The following STX3 variants were observed in gnomAD, a reference collection of about 807,000 sequenced individuals.
STX3 encodes syntaxin 3.
Under a neutral mutation model 40.2 loss-of-function variants are expected in STX3, and 19 were observed. That is an observed-to-expected ratio of 0.47 (90% CI 0.33 to 0.69). The LOEUF (loss-of-function observed/expected upper bound fraction) is 0.69. STX3 is among the 30% of genes least tolerant of loss of function. The pLI is 0.02. For synonymous variants in STX3, 122 were observed against 132.2 expected (o/e 0.92, Z 0.53); for missense variants, 364 against 366.7 (o/e 0.99, Z 0.06).
chr11:59,788,741 G>A (rs1265460925), intron 3 of STX3, 132 bp from the exon 4 acceptor site: 1 of 638,070 alleles, frequency 1.6e-6, no homozygotes, highest in East Asian at 3.1e-5. Flanking sequence ...GCTGGGGAGT[G>A]CGTAGGGATA....
intron 8 of STX3, among the ~76,000 whole-genome samples, 186 bp from the exon 9 acceptor site, chr11:59,795,186 C>T (rs1440004396): frequency 6.6e-6 from 1 of 152,190 alleles, no homozygotes; most frequent in African/African-American, 2.4e-5. Flanking sequence ...CTGAATGTTT[C>T]TTGAACAAGT....
chr11:59,765,802 TCAAACAAA>T (rs111856818), intron 1 of STX3, among the ~76,000 whole-genome samples: 1 of 152,054 alleles, frequency 6.6e-6, no homozygotes, highest in Non-Finnish European at 1.5e-5. Context: ...AGACTCTGTC[TCAAACAAA>T]CAAACAAACA....
In STX3 at chr11:59,793,118, T is replaced by C. The variant is rs1695656381; in HGVS notation, c.486T>C (p.Asp162=). The change falls in exon 7 of 11, where the codon GAT becomes GAC. Residue 162 remains aspartate (D), a synonymous_variant. Transcript: ENST00000337979. The part of the protein sequence containing the change: ...QLEITGKKTT[D]EELEEMLESG... ...ACAAAGCTGGCAAAAAGACAACCGA[T>C]GAGGAGCTGGAGGAGATGTTGGAGA... The C allele has an allele frequency of 6.2e-7, 1 of 1,613,556 alleles. No homozygotes were observed. Among genetic ancestry groups the C allele is most frequent in the Non-Finnish European group, 8.5e-7 (1 of 1,179,948 alleles).
At chr11:59,755,989 C>T (rs1374429127) in intron 1 of STX3, among the ~76,000 whole-genome samples, 1 of 152,218 alleles carries the variant, frequency 6.6e-6, no homozygotes. Context: ...CAGGACCAGC[C>T]TCCTTCTCCC....
chr11:59,761,321 C>T (rs1863022175), intron 1 of STX3, among the ~76,000 whole-genome samples: 1 of 152,180 alleles, frequency 6.6e-6, no homozygotes, highest in African/African-American at 2.4e-5. Context: ...TCCAGCTTCC[C>T]AGGCTGACAG....
chr11:59,773,148 A>G lies in STX3; in HGVS notation c.31-63A>G, dbSNP rs888757854. On this transcript the variant is annotated intron_variant, in intron 1 of 10. Coordinates refer to ENST00000337979, the MANE Select transcript of STX3 (RefSeq NM_004177.5). The stretch of plus-strand genomic sequence containing the variant: ...ATATAGTTCCTAGTACTTCGTGAGC[A>G]TTCAATAATTTAGCCATTTATTGTG... 3 of 1,501,866 alleles carry G rather than the reference A, an allele frequency of 2.0e-6. No individual in the cohort carries two copies. In the African/African-American group the frequency reaches 4.1e-5, roughly 21 times the overall value. The allele number at this position is 1,501,866 out of a possible 1,614,324, so 93.0% of individuals were successfully genotyped here.
chr11:59,769,286 G>GAGGAGC (rs1204711589), intron 1 of STX3, among the ~76,000 whole-genome samples: 3 of 152,012 alleles, frequency 2.0e-5, no homozygotes, highest in Non-Finnish European at 2.9e-5. Context: ...GGAGGAGGAG[G>GAGGAGC]ATGAGGATGG....
In STX3 at chr11:59,780,327, A is replaced by G. The variant is rs950405455; in HGVS notation, c.115-6710A>G. ...GAGAAAGATGATCTCTCTCTCAGCC[A>G]TGTGAAGATACTGGAAGAAGGCAGC... is the stretch of plus-strand genomic sequence containing the variant. On this transcript the variant is annotated intron_variant, in intron 2 of 10. Coordinates refer to ENST00000337979, the MANE Select transcript of STX3 (RefSeq NM_004177.5). Among the ~76,000 whole-genome samples, 14 of 152,324 alleles carry G rather than the reference A, an allele frequency of 9.2e-5. 1 individual carries two copies. The highest frequency in any genetic ancestry group is 6.8e-3 in the Middle Eastern group (2 of 294).
chr11:59,771,470 A>G (rs553849923), intron 1 of STX3, among the ~76,000 whole-genome samples: 13 of 139,982 alleles, frequency 9.3e-5, no homozygotes, highest in Non-Finnish European at 2.0e-4. Context: ...AGGTGAGTAA[A>G]GGGCTGTGAT....
chr11:59,755,417 C>T lies in STX3; in HGVS notation c.-189C>T, dbSNP rs904005608. 2.4e-5 allele frequency: 12 copies of T among 491,606 alleles called. No individual in the cohort carries two copies. The highest frequency in any genetic ancestry group is 4.6e-5 in the Admixed American group (1 of 21,870). 30.5% of individuals were successfully genotyped at this position (491,606 alleles called of 1,614,324 possible). A position where few individuals can be genotyped will look rare whatever the true frequency, so the allele number is the denominator to read the frequency against. On this transcript the variant is annotated 5_prime_UTR_variant, in exon 1 of 11. Coordinates refer to ENST00000337979, the MANE Select transcript of STX3 (RefSeq NM_004177.5). ...GCGCCGGTGGGGGCGGAGGGGGCTG[C>T]GCGGCGGAGGCTCCCGTGGCCTCGG...
rs866160397 is a variant in STX3, at chr11:59,764,921, G to C, written c.31-8290G>C. Among the ~76,000 whole-genome samples, 4 of 125,838 alleles carry C rather than the reference G, an allele frequency of 3.2e-5. No homozygotes were observed. In the Admixed American group the frequency reaches 3.2e-4, roughly 10 times the overall value. The allele number at this position is 125,838 out of a possible 152,430, so 82.6% of individuals were successfully genotyped here. On this transcript the variant is annotated intron_variant, in intron 1 of 10. Transcript: ENST00000337979. ...TATTATTATTATTATTATTATTATT[G>C]TTAGGGCACACTGAGTGGAGTGGGG...
intron 1 of STX3, among the ~76,000 whole-genome samples, chr11:59,772,354 C>A (rs1863701982): frequency 6.6e-6 from 1 of 152,118 alleles, no homozygotes; most frequent in African/African-American, 2.4e-5. Flanking sequence ...GGAATCACTT[C>A]CTTTAGATGG....
intron 4 of STX3, 40 bp downstream of exon 4, chr11:59,788,987 C>A: frequency 6.4e-7 from 1 of 1,553,464 alleles, no homozygotes; most frequent in Non-Finnish European, 8.8e-7. Flanking sequence ...TCCCCACCAC[C>A]ATCTATCTCA....
intron 2 of STX3, among the ~76,000 whole-genome samples, chr11:59,783,145 C>G (rs142805283): frequency 2.6e-4 from 40 of 152,208 alleles, no homozygotes; most frequent in African/African-American, 8.7e-4. Flanking sequence ...TTGTAAAAAG[C>G]TTTCTATAGG....
At position 59,755,604 on chromosome 11, in the gene STX3, G is replaced by A. The variant is rs776693817; in HGVS notation, c.-2G>A. On this transcript the variant is annotated 5_prime_UTR_variant, in exon 1 of 11. Coordinates refer to ENST00000337979, the MANE Select transcript of STX3 (RefSeq NM_004177.5). ...CCTGCCTCCGGGCGCCTGGGCTTCA[G>A]GATGAAGGACCGTCTGGAGCAGCTG... 13 of 1,594,092 alleles carry A rather than the reference G, an allele frequency of 8.2e-6. No homozygotes were observed. The East Asian group carries it at 1.1e-4, about 14-fold the overall frequency.
rs966953018 is a variant in STX3 at position 59,793,317 on chromosome 11, G to T, written c.541-63G>T. The T allele has an allele frequency of 1.6e-5, 26 of 1,602,694 alleles. No homozygotes were observed. In the African/African-American group the frequency reaches 3.1e-4, roughly 19 times the overall value. ...GGAGCTCCCCAGGAGCGTGCATGAG[G>T]GCTGTGGCAGGGGCAGCCTTTCTTG... On this transcript the variant is annotated intron_variant, in intron 7 of 10. Transcript: ENST00000337979.
chr11:59,760,910 C>T (rs1862996855), intron 1 of STX3, among the ~76,000 whole-genome samples: 1 of 152,170 alleles, frequency 6.6e-6, no homozygotes, highest in Admixed American at 6.5e-5. Flanking sequence ...CCTCTGGAGC[C>T]CCAGGGCCTA....
At chr11:59,774,887 C>T (rs926085612) in intron 2 of STX3, among the ~76,000 whole-genome samples, 3 of 152,182 alleles carry the variant, frequency 2.0e-5, no homozygotes, top group Non-Finnish European at 2.9e-5. Context: ...CACAGCATAG[C>T]ATCTGGCATA....
At position 59,800,893 on chromosome 11, in the gene STX3, C is replaced by T. The variant is rs561809760; in HGVS notation, c.*69C>T. The T allele has an allele frequency of 1.0e-5, 16 of 1,536,186 alleles. No individual in the cohort carries two copies. The highest frequency in any genetic ancestry group is 2.0e-5 in the Admixed American group (1 of 50,978). On this transcript the variant is annotated 3_prime_UTR_variant, in exon 11 of 11. Transcript: ENST00000337979. ...TCCAGACTGGTGTGGCCACCCTTGTCTTCAGATGAGAATGGAGTCTGAATG... is the reference window on the plus strand; with the variant it reads ...TCCAGACTGGTGTGGCCACCCTTGTTTTCAGATGAGAATGGAGTCTGAATG...
Sources: allele counts gnomAD v4.1 joint callset (sites outside exome capture counted in the v4.1 genomes callset), GRCh38; gene constraint gnomAD v4.1.1; transcripts MANE v1.5; gene names NCBI Gene and HGNC (gene_info 2026-07-23, HGNC 2026-07-21).